The following GRK5 variants were observed in gnomAD, a reference collection of about 807,000 sequenced individuals.
The protein encoded by GRK5 is G protein-coupled receptor kinase 5, also known as g protein-coupled receptor kinase GRK5.
GRK5 carries 40 observed loss-of-function variants against 78.4 expected under a neutral mutation model. The observed-to-expected ratio is 0.51, with a 90% CI of 0.40 to 0.66. The LOEUF (loss-of-function observed/expected upper bound fraction) is 0.66, where lower values mean the gene tolerates loss of function less well. Ranked by LOEUF, GRK5 falls within the 30% of genes least tolerant of loss-of-function variation. The pLI, the probability that GRK5 is intolerant of heterozygous loss-of-function variation, is 0.00. For synonymous variants in GRK5, 289 were observed against 296.8 expected (o/e 0.97, Z 0.27); for missense variants, 598 against 759.9 (o/e 0.79, Z 2.50).
intron 1 of GRK5, among the ~76,000 whole-genome samples, chr10:119,313,222 C>T (rs12414327): frequency 0.69 from 87,619 of 127,694 alleles, 28,221 homozygotes; most frequent in East Asian, 0.75. Context: ...GTGGTGGTGA[C>T]GGTAGTGATG....
intron 10 of GRK5, among the ~76,000 whole-genome samples, chr10:119,440,644 A>G (rs10886482): frequency 0.42 from 63,598 of 150,694 alleles, 14,291 homozygotes; most frequent in Non-Finnish European, 0.48. Flanking sequence ...TCTACCTCCC[A>G]AGTTCAAGTG....
chr10:119,243,627 A>G (rs1249434929), intron 1 of GRK5, among the ~76,000 whole-genome samples: 4 of 143,276 alleles, frequency 2.8e-5, no homozygotes, highest in African/African-American at 1.1e-4. Flanking sequence ...TCCTCTGCTT[A>G]ATTCTTGGCT....
At chr10:119,348,883 G>A (rs1851146369) in intron 2 of GRK5, among the ~76,000 whole-genome samples, 1 of 152,206 alleles carries the variant, frequency 6.6e-6, no homozygotes, top group Non-Finnish European at 1.5e-5. Flanking sequence ...ATAAATAGGA[G>A]TGCTGGGGGT....
intron 2 of GRK5, among the ~76,000 whole-genome samples, chr10:119,368,690 G>A (rs368511010): frequency 2.4e-4 from 36 of 152,218 alleles, no homozygotes; most frequent in African/African-American, 7.7e-4. Context: ...GTGCTTTCTC[G>A]AAAGGGGCAT....
In GRK5 at chr10:119,207,755, ACT is replaced by A; in HGVS notation, c.-160_-159del. 1 of 634,886 alleles carries A rather than the reference ACT, an allele frequency of 1.6e-6. No individual in the cohort carries two copies. The highest frequency in any genetic ancestry group is 2.6e-6 in the Non-Finnish European group (1 of 389,912). The allele number at this position is 634,886 out of a possible 1,614,324, so 39.3% of individuals were successfully genotyped here. A position where few individuals can be genotyped will look rare whatever the true frequency, so the allele number is the denominator to read the frequency against. ...GCGGCTCCTCTTTGCAGAGGGGGAAACTCTTGGGCTGAGAGCAGGAATAATGC... is the reference window on the plus strand; with the variant it reads ...GCGGCTCCTCTTTGCAGAGGGGGAAACTTGGGCTGAGAGCAGGAATAATGC... On this transcript the variant is annotated 5_prime_UTR_variant, in exon 1 of 16. Coordinates refer to ENST00000392870, the MANE Select transcript of GRK5 (RefSeq NM_005308.3).
rs567816619 is a variant in GRK5 at position 119,237,704 on chromosome 10, G to A, written c.52+29735G>A. 2.0e-5 allele frequency among the ~76,000 whole-genome samples: 3 copies of A among 152,264 alleles called. No individual in the cohort carries two copies. In the South Asian group the frequency reaches 6.2e-4, roughly 32 times the overall value. On this transcript the variant is annotated intron_variant, in intron 1 of 15. Transcript: ENST00000392870. ...GAGCCGGAGAGGGGGAGGGAACTGAGGAGGGCAGGTCGGGTGGGGTGGGGA... is the reference window on the plus strand; with the variant it reads ...GAGCCGGAGAGGGGGAGGGAACTGAAGAGGGCAGGTCGGGTGGGGTGGGGA...
intron 1 of GRK5, among the ~76,000 whole-genome samples, chr10:119,295,762 C>T (rs764628033): frequency 7.9e-5 from 12 of 151,278 alleles, no homozygotes; most frequent in Admixed American, 1.3e-4. Flanking sequence ...TATGAGGACA[C>T]GAAGGCATAA....
intron 1 of GRK5, among the ~76,000 whole-genome samples, chr10:119,270,485 A>G (rs912647126): frequency 2.0e-5 from 3 of 152,252 alleles, no homozygotes; most frequent in African/African-American, 7.2e-5. Flanking sequence ...GAGGATATGC[A>G]TGGGCTTTAT....
intron 1 of GRK5, among the ~76,000 whole-genome samples, chr10:119,208,226 G>A (rs1489622599): frequency 6.6e-6 from 1 of 152,270 alleles, no homozygotes; most frequent in Non-Finnish European, 1.5e-5. Context: ...CGCTCGCCCT[G>A]CAGAGCGTGC....
chr10:119,330,208 A>G (rs957804184), intron 2 of GRK5: 6 of 152,074 alleles, frequency 3.9e-5, no homozygotes, highest in African/African-American at 1.4e-4. Flanking sequence ...TGCTTTAACA[A>G]ATACCCACAG....
At position 119,267,498 on chromosome 10, in the gene GRK5, C is replaced by A. The variant is rs977503987; in HGVS notation, c.53-59018C>A. On this transcript the variant is annotated intron_variant, in intron 1 of 15. Coordinates refer to ENST00000392870, the MANE Select transcript of GRK5 (RefSeq NM_005308.3). This position sits in a 1 kb window ranked among gnomAD's most constrained non-coding sequence, Gnocchi z 4.1. ...GGGCCTTGGGCAGCAGACTCCTCAC[C>A]GTGGCCAGGCAAGGGATTCCCACCC... Among the ~76,000 whole-genome samples the A allele has an allele frequency of 6.6e-6, 1 of 152,152 alleles. No homozygotes were observed. Among genetic ancestry groups the A allele is most frequent in the African/African-American group, 2.4e-5 (1 of 41,424 alleles).
chr10:119,283,577 T>C (rs1423427089), intron 1 of GRK5, among the ~76,000 whole-genome samples: 4 of 152,196 alleles, frequency 2.6e-5, no homozygotes, highest in Admixed American at 2.6e-4. Flanking sequence ...GCTGATGGTG[T>C]CTCTGGCAAA....
Position 119,261,221 on chromosome 10 carries a change from C to G in GRK5, c.52+53252C>G, listed in dbSNP as rs369665064. 2.2e-5 allele frequency among the ~76,000 whole-genome samples: 3 copies of G among 138,606 alleles called. No homozygotes were observed. In the Admixed American group the frequency reaches 2.2e-4, roughly 10 times the overall value. The allele number at this position is 138,606 out of a possible 152,430, so 90.9% of individuals were successfully genotyped here. On this transcript the variant is annotated intron_variant, in intron 1 of 15. Coordinates refer to ENST00000392870, the MANE Select transcript of GRK5 (RefSeq NM_005308.3). ...GCGGAGGGTCTCCTCACTTATCAGA[C>G]GGGGCGGCCGGGCAGAGACACTCCT...
At chr10:119,437,559 T>C (rs1852947437) in intron 9 of GRK5, among the ~76,000 whole-genome samples, 2 of 152,192 alleles carry the variant, frequency 1.3e-5, no homozygotes, top group Admixed American at 1.3e-4. Flanking sequence ...GGGGATCCAG[T>C]GGAATCTCTA....
At position 119,238,978 on chromosome 10, in the gene GRK5, A is replaced by G. The variant is rs560703252; in HGVS notation, c.52+31009A>G. ...AGGCATTAGAGAAACGTGATTTTTCATTTAATTATATATATAGTTTTCTTT... is the reference window on the plus strand; with the variant it reads ...AGGCATTAGAGAAACGTGATTTTTCGTTTAATTATATATATAGTTTTCTTT... On this transcript the variant is annotated intron_variant, in intron 1 of 15. Transcript: ENST00000392870. The surrounding 1 kb of genome is among the most constrained non-coding windows in gnomAD (Gnocchi z 4.7). 6.6e-6 allele frequency among the ~76,000 whole-genome samples: 1 copy of G among 152,138 alleles called. No homozygotes were observed. Among genetic ancestry groups the G allele is most frequent in the Non-Finnish European group, 1.5e-5 (1 of 68,024 alleles).
At chr10:119,290,896 G>C (rs1401851893) in intron 1 of GRK5, among the ~76,000 whole-genome samples, 1 of 152,100 alleles carries the variant, frequency 6.6e-6, no homozygotes, top group East Asian at 1.9e-4. Flanking sequence ...TTCCATCCTT[G>C]TGTTCCTGGC....
chr10:119,265,023 G>A (rs528050271), intron 1 of GRK5, among the ~76,000 whole-genome samples: 6 of 152,276 alleles, frequency 3.9e-5, no homozygotes, highest in South Asian at 4.1e-4. Flanking sequence ...GGCTCACAGC[G>A]GCCTCTTTGG....
intron 1 of GRK5, among the ~76,000 whole-genome samples, chr10:119,250,028 G>A (rs1387361719): frequency 6.6e-6 from 1 of 152,156 alleles, no homozygotes; most frequent in Non-Finnish European, 1.5e-5. Flanking sequence ...ATAGGGACTA[G>A]GGCTTAGAAA....
rs565679018 is a variant in GRK5, at chr10:119,394,340, G to C, written c.262-2355G>C. On this transcript the variant is annotated intron_variant, in intron 3 of 15. Transcript: ENST00000392870. ...TGGGTGTGTGTATCTGTGTGTCTGT[G>C]TGTGGGCATGTGGGTGTGTGGGTGT... 1.5e-4 allele frequency among the ~76,000 whole-genome samples: 13 copies of C among 88,068 alleles called. 3 individuals carry two copies. The highest frequency in any genetic ancestry group is 5.3e-4 in the African/African-American group (13 of 24,568). The allele number at this position is 88,068 out of a possible 152,430, so 57.8% of individuals were successfully genotyped here.
Sources: allele counts gnomAD v4.1 joint callset (sites outside exome capture counted in the v4.1 genomes callset), GRCh38; gene constraint gnomAD v4.1.1; non-coding constraint Gnocchi (gnomAD v3.1); transcripts MANE v1.5; gene names NCBI Gene and HGNC (gene_info 2026-07-23, HGNC 2026-07-21).